Variants in DIAPH3 observed in about 807,000 individuals in gnomAD.
The protein encoded by DIAPH3 is diaphanous related formin 3.
A neutral mutation model predicts 144.3 loss-of-function variants in DIAPH3; 117 were observed. The observed-to-expected ratio is 0.81, with a 90% CI of 0.70 to 0.95. The LOEUF (loss-of-function observed/expected upper bound fraction) is 0.95, where lower values mean the gene tolerates loss of function less well. DIAPH3 is among the 40% of genes least tolerant of loss of function. The pLI is 0.00. For missense variants in DIAPH3, 1,421 were observed against 1,412.7 expected, an observed-to-expected ratio of 1.01 and a Z score of -0.09; for synonymous variants, 519 against 488.9, an observed-to-expected ratio of 1.06 and a Z score of -0.81.
intron 5 of DIAPH3, among the ~76,000 whole-genome samples, chr13:60,035,162 A>C (rs2055120120): frequency 6.6e-6 from 1 of 152,144 alleles, no homozygotes; most frequent in Admixed American, 6.6e-5. Flanking sequence ...GTCAACTATA[A>C]ATTGAGCTGA....
intron 4 of DIAPH3, among the ~76,000 whole-genome samples, chr13:60,047,018 TA>T (rs1285257245): frequency 6.6e-6 from 1 of 152,048 alleles, no homozygotes; most frequent in Admixed American, 6.6e-5. Context: ...GACAAATACC[TA>T]ATGTAAATGA....
chr13:59,890,862 G>A (rs1216774963), intron 20 of DIAPH3, among the ~76,000 whole-genome samples: 1 of 150,876 alleles, frequency 6.6e-6, no homozygotes, highest in Non-Finnish European at 1.5e-5. Flanking sequence ...AACAGAGATA[G>A]CACACTAACT....
At chr13:60,001,181 T>A (rs917529774) in intron 9 of DIAPH3, among the ~76,000 whole-genome samples, 2 of 152,178 alleles carry the variant, frequency 1.3e-5, no homozygotes, top group Non-Finnish European at 2.9e-5. Context: ...ATAATGTCTT[T>A]TAGAGCAAAG....
intron 17 of DIAPH3, among the ~76,000 whole-genome samples, chr13:59,944,617 A>G (rs1034433882): frequency 6.6e-6 from 1 of 152,154 alleles, no homozygotes; most frequent in Admixed American, 6.5e-5. Flanking sequence ...TAAGGACTCA[A>G]ATTTGGAAAG....
At chr13:60,059,174 T>A (rs1430049920) in intron 4 of DIAPH3, among the ~76,000 whole-genome samples, 23 of 150,446 alleles carry the variant, frequency 1.5e-4, no homozygotes, top group Non-Finnish European at 5.9e-5. Context: ...ATTTATAAAA[T>A]AGAAAAAAAA....
chr13:60,072,024 A>G (rs2057226629), intron 4 of DIAPH3, among the ~76,000 whole-genome samples: 1 of 152,090 alleles, frequency 6.6e-6, no homozygotes, highest in Non-Finnish European at 1.5e-5. Context: ...AGTGTGGGGC[A>G]CATTCGCCAA....
intron 20 of DIAPH3, among the ~76,000 whole-genome samples, chr13:59,903,816 CTTT>C (rs935306015): frequency 6.6e-6 from 1 of 152,108 alleles, no homozygotes; most frequent in African/African-American, 2.4e-5. Context: ...TTCATCTATT[CTTT>C]ATTTCATACA....
intron 17 of DIAPH3, among the ~76,000 whole-genome samples, chr13:59,949,504 A>G (rs978446177): frequency 3.9e-5 from 6 of 152,196 alleles, no homozygotes; most frequent in African/African-American, 1.4e-4. Context: ...AACCTCAGTA[A>G]TATAACCAGG....
chr13:59,920,580 A>T (rs1317799141), intron 18 of DIAPH3, among the ~76,000 whole-genome samples: 1 of 151,526 alleles, frequency 6.6e-6, no homozygotes, highest in East Asian at 1.9e-4. Context: ...TGTATCCAAC[A>T]CCAAAGCATC....
intron 17 of DIAPH3, among the ~76,000 whole-genome samples, chr13:59,936,956 G>C (rs1476774986): frequency 6.6e-6 from 1 of 152,050 alleles, no homozygotes; most frequent in Non-Finnish European, 1.5e-5. Flanking sequence ...GAGGTCAGGA[G>C]ATCGAGACCA....
At chr13:60,047,897 TAG>T (rs1322791528) in intron 4 of DIAPH3, among the ~76,000 whole-genome samples, 13 of 152,330 alleles carry the variant, frequency 8.5e-5, no homozygotes, top group Admixed American at 7.8e-4. Flanking sequence ...TTCAACTGTA[TAG>T]AGTCTGAGAT....
intron 24 of DIAPH3, 30 bp downstream of exon 24, chr13:59,833,077 A>C (rs757237807): frequency 1.1e-4 from 165 of 1,568,138 alleles, no homozygotes; most frequent in Middle Eastern, 3.5e-4. Flanking sequence ...AAATAAAAAA[A>C]CTTTTTAAAA....
intron 24 of DIAPH3, among the ~76,000 whole-genome samples, chr13:59,831,927 G>C (rs1300226037): frequency 1.3e-5 from 2 of 151,784 alleles, no homozygotes; most frequent in Non-Finnish European, 2.9e-5. Flanking sequence ...TATGGGGAAG[G>C]AATTCACATT....
At chr13:60,112,223 T>G in intron 2 of DIAPH3, 37 bp from the exon 3 acceptor site, 1 of 1,610,952 alleles carries the variant, frequency 6.2e-7, no homozygotes, top group Non-Finnish European at 8.5e-7. Flanking sequence ...GTGTAAGTAT[T>G]TCCTTTCCCA....
At chr13:59,712,904 C>A (rs748524845) in intron 27 of DIAPH3, among the ~76,000 whole-genome samples, 30 of 152,120 alleles carry the variant, frequency 2.0e-4, no homozygotes, top group Admixed American at 4.6e-4. Context: ...CAGGATGAAA[C>A]CATTCCACTT....
intron 3 of DIAPH3, among the ~76,000 whole-genome samples, chr13:60,102,337 G>A (rs2058294050): frequency 6.6e-6 from 1 of 152,154 alleles, no homozygotes; most frequent in African/African-American, 2.4e-5. Context: ...CTCTTTATAT[G>A]TAACTCTTTT....
At chr13:59,996,933 C>T (rs951448830) in intron 9 of DIAPH3, among the ~76,000 whole-genome samples, 7 of 151,966 alleles carry the variant, frequency 4.6e-5, no homozygotes, top group African/African-American at 1.7e-4. Context: ...CCTAAATTTC[C>T]TTTGGTACAT....
intron 4 of DIAPH3, among the ~76,000 whole-genome samples, chr13:60,061,897 A>G (rs2056788387): frequency 1.3e-5 from 2 of 151,992 alleles, no homozygotes; most frequent in Admixed American, 6.6e-5. Context: ...CAATCCAGCT[A>G]TGCACACCAT....
rs2053628660 is a variant in DIAPH3 at position 60,016,130 on chromosome 13, A to G, written c.642T>C (p.Phe214=). 6.2e-7 allele frequency: 1 copy of G among 1,613,762 alleles called. No homozygotes were observed. Among genetic ancestry groups the G allele is most frequent in the Non-Finnish European group, 8.5e-7 (1 of 1,179,850 alleles). Residue 214 remains phenylalanine, a synonymous_variant, in exon 6 of 28, where the codon TTT becomes TTC. Coordinates refer to ENST00000400324, the MANE Select transcript of DIAPH3 (RefSeq NM_001042517.2). ...ATAATAATCCAAGCCCTTCATGTCC[A>G]AAGCTTTCCACCCAACTGAAAAACA... ...TSNPVSWVES[F]GHEGLGLLLD...
Sources: allele counts gnomAD v4.1 joint callset (sites outside exome capture counted in the v4.1 genomes callset), GRCh38; gene constraint gnomAD v4.1.1; transcripts MANE v1.5; gene names NCBI Gene and HGNC (gene_info 2026-07-23, HGNC 2026-07-21).